The following PHF24 variants were observed in gnomAD, a reference collection of about 807,000 sequenced individuals.
PHF24 encodes Galpha inhibitory interacting protein.
Under a neutral mutation model 42.6 loss-of-function variants are expected in PHF24, and 25 were observed. The ratio of observed to expected loss-of-function variants is 0.59; its 90% confidence interval spans 0.43 to 0.82. PHF24 has a LOEUF of 0.82. Ranked by LOEUF, PHF24 falls within the 40% of genes least tolerant of loss-of-function variation. PHF24 has a pLI of 0.00. For synonymous variants in PHF24, 185 were observed against 204.8 expected (o/e 0.90, Z 0.83); for missense variants, 470 against 538.1 (o/e 0.87, Z 1.25).
the PHF24 span, among the ~76,000 whole-genome samples, chr9:34,836,224 A>T: frequency 6.6e-6 from 1 of 152,332 alleles, no homozygotes; most frequent in South Asian, 2.1e-4. Flanking sequence ...TTGGTAAGGT[A>T]TGGTGGGCTG....
At chr9:34,885,332 T>C in the PHF24 span, among the ~76,000 whole-genome samples, 10 of 152,220 alleles carry the variant, frequency 6.6e-5, no homozygotes, top group Non-Finnish European at 1.3e-4. Context: ...GGACACATTA[T>C]GCTTAACGCT....
chr9:34,689,605 T>C, the PHF24 span: 1 of 577,690 alleles, frequency 1.7e-6, no homozygotes. The surrounding 1 kb of genome is among the most constrained non-coding windows in gnomAD (Gnocchi z 4.1). Flanking sequence ...ATTGGTAGCA[T>C]TGCAATCTGG....
At chr9:34,726,532 C>T in the PHF24 span, 1 of 1,551,812 alleles carries the variant, frequency 6.4e-7, no homozygotes, top group East Asian at 2.4e-5. Context: ...TCTGCGTCAT[C>T]TCCTCCTGGT....
the PHF24 span, among the ~76,000 whole-genome samples, chr9:34,745,059 G>T: frequency 6.6e-6 from 1 of 152,204 alleles, no homozygotes; most frequent in African/African-American, 2.4e-5. Context: ...TGCTGGGATG[G>T]ATGCTAAAGG....
chr9:34,893,457 C>T, the PHF24 span, among the ~76,000 whole-genome samples: 103 of 143,794 alleles, frequency 7.2e-4, no homozygotes, highest in Non-Finnish European at 1.1e-3. Context: ...AAAAATTAGC[C>T]AGGCATGGTG....
exon 8 of PHF24, chr9:34,981,637 C>A (rs1449177538): frequency 6.6e-6 from 1 of 152,090 alleles, no homozygotes; most frequent in African/African-American, 2.4e-5. Flanking sequence ...GATGTGTGGC[C>A]CTAAAAGGCA....
the PHF24 span, among the ~76,000 whole-genome samples, chr9:34,939,945 A>T: frequency 2.0e-5 from 3 of 152,180 alleles, no homozygotes; most frequent in Non-Finnish European, 4.4e-5. Context: ...GAGCACTGTC[A>T]TCTCAGACAA....
At chr9:34,889,737 T>G in the PHF24 span, 1 of 397,528 alleles carries the variant, frequency 2.5e-6, no homozygotes, top group Non-Finnish European at 4.4e-6. Flanking sequence ...CTGCAAATTT[T>G]GCCCTGTAAA....
the PHF24 span, among the ~76,000 whole-genome samples, chr9:34,836,234 G>A: frequency 6.6e-6 from 1 of 152,174 alleles, no homozygotes; most frequent in African/African-American, 2.4e-5. Context: ...ATGGTGGGCT[G>A]GGGGTTAGGA....
At chr9:34,680,677 G>T in the PHF24 span, among the ~76,000 whole-genome samples, 1 of 134,550 alleles carries the variant, frequency 7.4e-6, no homozygotes, top group African/African-American at 2.7e-5. Context: ...GACAGAGCGA[G>T]ACTCCGTCTC....
chr9:34,778,710 A>G, the PHF24 span, among the ~76,000 whole-genome samples: 1 of 151,942 alleles, frequency 6.6e-6, no homozygotes, highest in African/African-American at 2.4e-5. Context: ...TAGAAAAGCT[A>G]GAGATAAAAT....
chr9:34,878,711 G>T, the PHF24 span, among the ~76,000 whole-genome samples: 1 of 152,234 alleles, frequency 6.6e-6, no homozygotes, highest in Non-Finnish European at 1.5e-5. Flanking sequence ...AAACAAAGCG[G>T]CTAGAAAGCT....
the PHF24 span, among the ~76,000 whole-genome samples, chr9:34,694,862 C>T: frequency 6.6e-6 from 1 of 152,228 alleles, no homozygotes; most frequent in South Asian, 2.1e-4. Context: ...TAATCCTGAC[C>T]TAATCTCTTA....
chr9:34,942,706 T>C, the PHF24 span, among the ~76,000 whole-genome samples: 1 of 151,988 alleles, frequency 6.6e-6, no homozygotes, highest in African/African-American at 2.4e-5. Flanking sequence ...TACAGGGACA[T>C]GGATGAAGCT....
At chr9:34,786,986 C>A in the PHF24 span, among the ~76,000 whole-genome samples, 1 of 152,112 alleles carries the variant, frequency 6.6e-6, no homozygotes. Flanking sequence ...AGGAGGCACC[C>A]AGAATCCTGT....
chr9:34,838,336 T>G, the PHF24 span: 5 of 762,084 alleles, frequency 6.6e-6, no homozygotes, highest in Non-Finnish European at 1.2e-5. Flanking sequence ...GTTGGAATCA[T>G]AGTGTTGCCC....
At chr9:34,882,148 G>C in the PHF24 span, among the ~76,000 whole-genome samples, 244 of 152,252 alleles carry the variant, frequency 1.6e-3, no homozygotes, top group African/African-American at 5.0e-3. Context: ...AAAGGCCTTT[G>C]ACAAAATCTA....
At chr9:34,709,238 A>G in the PHF24 span, 1 of 906,322 alleles carries the variant, frequency 1.1e-6, no homozygotes, top group South Asian at 1.5e-5. Context: ...GGGAATGCAG[A>G]TGGGGTGGTT....
the PHF24 span, among the ~76,000 whole-genome samples, chr9:34,710,598 G>T: frequency 6.6e-6 from 1 of 151,408 alleles, no homozygotes; most frequent in Non-Finnish European, 1.5e-5. Flanking sequence ...CTCCCCAGGA[G>T]CTGGGACTAC....
Sources: gnomAD v4.1 joint callset for allele counts (sites outside exome capture counted in the v4.1 genomes callset) on GRCh38, gnomAD v4.1.1 for gene constraint, Gnocchi (gnomAD v3.1) non-coding constraint, MANE v1.5 for transcripts, NCBI Gene and HGNC (gene_info 2026-07-23, HGNC 2026-07-21) for gene names.